PAFAH2: variants seen among roughly 807,000 people sequenced by gnomAD.
PAFAH2 encodes the protein platelet activating factor acetylhydrolase 2.
In PAFAH2, 42 loss-of-function variants were observed where a neutral mutation model predicts 49.0. The ratio of observed to expected loss-of-function variants is 0.86; its 90% CI spans 0.67 to 1.11. The LOEUF (loss-of-function observed/expected upper bound fraction) is 1.11, where lower values mean the gene tolerates loss of function less well. Among genes scored for constraint, PAFAH2 ranks in the 50% least tolerant of loss-of-function variants. PAFAH2 has a pLI of 0.00. For missense variants in PAFAH2, 503 were observed against 501.8 expected (o/e 1.00, Z -0.02); for synonymous variants, 184 against 181.3 (o/e 1.01, Z -0.12).
At chr1:25,986,799 G>A (rs760554305) in intron 4 of PAFAH2, among the ~76,000 whole-genome samples, 1 of 151,930 alleles carries the variant, frequency 6.6e-6, no homozygotes, top group Non-Finnish European at 1.5e-5. Flanking sequence ...CCAAAATGCT[G>A]GGATTACAGG....
At position 25,990,709 on chromosome 1, in the gene PAFAH2, G is replaced by A; in HGVS notation, c.90+18C>T. On this transcript the variant is annotated intron_variant, in intron 2 of 10. Transcript: ENST00000374282. ...CAGAAGCAGTGCAAACAGAAGAAAG[G>A]GAGCTGGGGACACTTACCTGGAGAT... 1 of 1,601,352 alleles carries A rather than the reference G, an allele frequency of 6.2e-7. No individual in the cohort carries two copies. Among genetic ancestry groups the A allele is most frequent in the Admixed American group, 1.7e-5 (1 of 59,888 alleles).
chr1:25,996,605 G>T (rs1193698311), intron 1 of PAFAH2, among the ~76,000 whole-genome samples: 1 of 152,148 alleles, frequency 6.6e-6, no homozygotes, highest in Admixed American at 6.5e-5. Flanking sequence ...TCGCGCTACT[G>T]CACTCTAGCC....
chr1:25,980,460 C>T (rs1006594668), intron 7 of PAFAH2, among the ~76,000 whole-genome samples: 1 of 151,514 alleles, frequency 6.6e-6, no homozygotes, highest in Admixed American at 6.6e-5. Flanking sequence ...GTAGCCAGGA[C>T]TATATGCCCA....
chr1:25,995,820 G>A (rs552162948), intron 1 of PAFAH2, among the ~76,000 whole-genome samples: 3 of 152,240 alleles, frequency 2.0e-5, no homozygotes, highest in East Asian at 3.9e-4. Flanking sequence ...AGACCAAACT[G>A]TCTATCTGCA....
At chr1:25,979,316 TGCC>T (rs200321485) in intron 7 of PAFAH2, among the ~76,000 whole-genome samples, 21 of 77,868 alleles carry the variant, frequency 2.7e-4, no homozygotes, top group South Asian at 1.9e-3. Context: ...CATTTACCAA[TGCC>T]TTTTTTTTTT....
At chr1:25,978,210 A>C (rs2049626238) in intron 7 of PAFAH2, among the ~76,000 whole-genome samples, 1 of 152,128 alleles carries the variant, frequency 6.6e-6, no homozygotes, top group Non-Finnish European at 1.5e-5. Context: ...ACATTAAAAA[A>C]AAATAGGTTA....
intron 8 of PAFAH2, 72 bp downstream of exon 8, chr1:25,976,609 TG>T: frequency 9.1e-7 from 1 of 1,098,082 alleles, no homozygotes; most frequent in Non-Finnish European, 1.4e-6. Flanking sequence ...ATATAGTACT[TG>T]TGTAACAAAT....
intron 4 of PAFAH2, among the ~76,000 whole-genome samples, chr1:25,987,927 C>T (rs1045545613): frequency 2.6e-5 from 4 of 152,016 alleles, no homozygotes; most frequent in African/African-American, 4.8e-5. Flanking sequence ...GATCACAAAG[C>T]TCATGCTCCT....
chr1:25,968,877 G>T (rs2049466976), intron 10 of PAFAH2, among the ~76,000 whole-genome samples: 1 of 152,076 alleles, frequency 6.6e-6, no homozygotes, highest in South Asian at 2.1e-4. Flanking sequence ...TTATAGACGT[G>T]AGCCACTGTG....
intron 10 of PAFAH2, among the ~76,000 whole-genome samples, chr1:25,971,052 A>G (rs2049499315): frequency 6.6e-6 from 1 of 152,190 alleles, no homozygotes; most frequent in African/African-American, 2.4e-5. Context: ...GACTTCAAAT[A>G]TCTAGGGAAC....
chr1:25,974,391 GA>G (rs1158086851), intron 9 of PAFAH2, 88 bp downstream of exon 9: 10 of 1,128,156 alleles, frequency 8.9e-6, no homozygotes, highest in Non-Finnish European at 1.2e-5. Flanking sequence ...CTAATGGGTA[GA>G]AAGTTTTGGG....
At chr1:25,962,759 C>T (rs1342391463) in intron 10 of PAFAH2, among the ~76,000 whole-genome samples, 9 of 149,074 alleles carry the variant, frequency 6.0e-5, no homozygotes, top group Non-Finnish European at 1.2e-4. Context: ...AAGGAGTTGG[C>T]GGCAGTGAGC....
At chr1:25,974,392 A>G (rs1382827244) in intron 9 of PAFAH2, 88 bp downstream of exon 9, 5 of 1,137,022 alleles carry the variant, frequency 4.4e-6, no homozygotes, top group Non-Finnish European at 6.1e-6. Context: ...TAATGGGTAG[A>G]AAGTTTTGGG....
At chr1:25,985,849 C>T (rs2124357732) in intron 4 of PAFAH2, among the ~76,000 whole-genome samples, 1 of 152,326 alleles carries the variant, frequency 6.6e-6, no homozygotes, top group African/African-American at 2.4e-5. Context: ...ATGCGATTTC[C>T]TCGATTTGTT....
In PAFAH2 at chr1:25,961,946, A is replaced by C. The variant is rs1481812801; in HGVS notation, c.*43T>G. Reference sequence around the variant, plus strand: ...ATGGGTGCCCTTGGGTAGCTCCCAAATGAAAACTTGGCTGAAGTGACTTTA... The same window carrying C: ...ATGGGTGCCCTTGGGTAGCTCCCAACTGAAAACTTGGCTGAAGTGACTTTA... On this transcript the variant is annotated 3_prime_UTR_variant, in exon 11 of 11. Coordinates refer to ENST00000374282, the MANE Select transcript of PAFAH2 (RefSeq NM_000437.4). The C allele has an allele frequency of 6.6e-7, 1 of 1,517,256 alleles. No homozygotes were observed. The highest frequency in any genetic ancestry group is 2.3e-5 in the East Asian group (1 of 44,388). 94.0% of individuals were successfully genotyped at this position (1,517,256 alleles called of 1,614,324 possible).
chr1:25,984,911 C>A lies in PAFAH2; in HGVS notation c.342-383G>T, dbSNP rs1572359010. Among the ~76,000 whole-genome samples the A allele has an allele frequency of 2.2e-5, 3 of 138,062 alleles. No homozygotes were observed. In the East Asian group the frequency reaches 6.6e-4, roughly 31 times the overall value. The allele number at this position is 138,062 out of a possible 152,430, so 90.6% of individuals were successfully genotyped here. A position where few individuals can be genotyped will look rare whatever the true frequency, so the allele number is the denominator to read the frequency against. ...TTGCCCAGGCTGGAGTACAATGGGA[C>A]TATCTTGGCCTCGGCTCACTGCAAC... On this transcript the variant is annotated intron_variant, in intron 4 of 10. Transcript: ENST00000374282.
chr1:25,984,312 T>C (rs2049744662), intron 5 of PAFAH2, 148 bp downstream of exon 5: 1 of 753,554 alleles, frequency 1.3e-6, no homozygotes, highest in East Asian at 2.7e-5. Context: ...TTATTTAACA[T>C]CTTTAAACCT....
chr1:25,977,280 T>C (rs2049607991), intron 7 of PAFAH2, among the ~76,000 whole-genome samples: 1 of 150,698 alleles, frequency 6.6e-6, no homozygotes, highest in South Asian at 2.1e-4. Flanking sequence ...ATTACAGGCG[T>C]GAGCCACCGC....
intron 8 of PAFAH2, among the ~76,000 whole-genome samples, chr1:25,975,384 C>T (rs148906034): frequency 1.3e-5 from 2 of 152,026 alleles, no homozygotes; most frequent in East Asian, 3.9e-4. Flanking sequence ...TCAAGACCAG[C>T]CTGGGCAACA....
Sources: allele counts gnomAD v4.1 joint callset (sites outside exome capture counted in the v4.1 genomes callset), GRCh38; gene constraint gnomAD v4.1.1; transcripts MANE v1.5; gene names NCBI Gene and HGNC (gene_info 2026-07-23, HGNC 2026-07-21).